The following MPPED2 variants were observed in gnomAD, a reference collection of about 807,000 sequenced individuals.
MPPED2 encodes the protein metallophosphoesterase domain containing 2.
MPPED2 carries 5 observed loss-of-function variants against 33.0 expected under a neutral mutation model. That is an observed-to-expected ratio of 0.15 (90% CI 0.08 to 0.32). The LOEUF is 0.32. MPPED2 is among the 10% of genes least tolerant of loss of function. The pLI is 1.00. For missense variants in MPPED2, 275 were observed against 372.1 expected (o/e 0.74, Z 2.15); for synonymous variants, 136 against 141.9 (o/e 0.96, Z 0.29).
intron 4 of MPPED2, among the ~76,000 whole-genome samples, chr11:30,424,905 G>A (rs1260884033): frequency 6.6e-6 from 1 of 152,148 alleles, no homozygotes; most frequent in Non-Finnish European, 1.5e-5. Flanking sequence ...CTTAACATCA[G>A]GGCAAGATTT....
At chr11:30,465,100 C>T (rs1333931321) in intron 4 of MPPED2, among the ~76,000 whole-genome samples, 1 of 152,100 alleles carries the variant, frequency 6.6e-6, no homozygotes, top group African/African-American at 2.4e-5. Context: ...ATGGTAAGTT[C>T]TCAAACGGAA....
At chr11:30,510,234 G>A (rs1953080460) in intron 3 of MPPED2, among the ~76,000 whole-genome samples, 1 of 151,884 alleles carries the variant, frequency 6.6e-6, no homozygotes, top group South Asian at 2.1e-4. Context: ...CATCTATTTA[G>A]CCATCTTAAA....
At chr11:30,581,819 C>A (rs2134931091) in intron 1 of MPPED2, among the ~76,000 whole-genome samples, 1 of 152,238 alleles carries the variant, frequency 6.6e-6, no homozygotes, top group South Asian at 2.1e-4. Context: ...AAATAACACC[C>A]ACCTTGCCTG....
intron 4 of MPPED2, among the ~76,000 whole-genome samples, chr11:30,428,042 T>C (rs1011414897): frequency 2.0e-5 from 3 of 152,080 alleles, no homozygotes; most frequent in African/African-American, 7.2e-5. Context: ...GGGAAATTAG[T>C]GGGTGTGGGG....
intron 1 of MPPED2, among the ~76,000 whole-genome samples, chr11:30,585,780 G>A (rs1474477574): frequency 6.6e-6 from 1 of 152,122 alleles, no homozygotes; most frequent in Non-Finnish European, 1.5e-5. Context: ...AAAAGAATTT[G>A]CTTTCGCTCA....
chr11:30,398,433 G>C (rs539257926), intron 6 of MPPED2, among the ~76,000 whole-genome samples: 2 of 152,034 alleles, frequency 1.3e-5, no homozygotes, highest in Admixed American at 1.3e-4. Context: ...ATGACCTGGG[G>C]GTACCATTCA....
chr11:30,490,226 T>C (rs1465645432), intron 4 of MPPED2, among the ~76,000 whole-genome samples: 1 of 152,064 alleles, frequency 6.6e-6, no homozygotes. Context: ...GAGAATCAAT[T>C]TTAGGTATGC....
chr11:30,525,313 G>A (rs541054883), intron 3 of MPPED2, among the ~76,000 whole-genome samples: 4 of 152,234 alleles, frequency 2.6e-5, no homozygotes, highest in Admixed American at 6.5e-5. Context: ...TAGGACACAA[G>A]AGTCCTGCTC....
rs1195049869 is a variant in MPPED2, at chr11:30,428,529, TA to T, written c.537-10897del. On this transcript the variant is annotated intron_variant, in intron 4 of 6. Coordinates refer to ENST00000358117, the MANE Select transcript of MPPED2 (RefSeq NM_001584.3). Reference sequence around the variant, plus strand: ...CTCCAGCCTTGGCTGTCTCTAAAAATAAAAAATAAATAGAAGTTGTAGCGAC... The same window carrying T: ...CTCCAGCCTTGGCTGTCTCTAAAAATAAAAATAAATAGAAGTTGTAGCGAC... Among the ~76,000 whole-genome samples the T allele has an allele frequency of 3.9e-5, 6 of 152,164 alleles. No individual in the cohort carries two copies. The East Asian group carries it at 9.7e-4, about 25-fold the overall frequency.
intron 4 of MPPED2, among the ~76,000 whole-genome samples, chr11:30,421,951 G>A (rs975794462): frequency 2.0e-5 from 3 of 152,140 alleles, no homozygotes; most frequent in Middle Eastern, 3.2e-3. Flanking sequence ...ACAGTGGCAG[G>A]CAATGGAAAA....
chr11:30,452,718 G>A (rs1437825706), intron 4 of MPPED2, among the ~76,000 whole-genome samples: 3 of 152,136 alleles, frequency 2.0e-5, no homozygotes, highest in Non-Finnish European at 4.4e-5. Flanking sequence ...TGAAAAAGCT[G>A]CCTTTGGTTG....
At chr11:30,564,811 T>C (rs1445268416) in intron 2 of MPPED2, among the ~76,000 whole-genome samples, 1 of 152,164 alleles carries the variant, frequency 6.6e-6, no homozygotes. Context: ...AGAGAGTCCT[T>C]GAAACAAATG....
At chr11:30,521,712 A>G (rs912178444) in intron 3 of MPPED2, among the ~76,000 whole-genome samples, 2 of 152,218 alleles carry the variant, frequency 1.3e-5, no homozygotes, top group African/African-American at 4.8e-5. Flanking sequence ...AAAATGTAAA[A>G]ACTAGAAATG....
chr11:30,485,449 T>TGTTACACATAACATGTGTAACATTTACAC (rs1491554158), intron 4 of MPPED2, among the ~76,000 whole-genome samples: 1 of 75,388 alleles, frequency 1.3e-5, no homozygotes, highest in Non-Finnish European at 3.6e-5. Context: ...CATTTACACA[T>TGTTACACATAACATGTGTAACATTTACAC]GTTACACATA....
intron 3 of MPPED2, among the ~76,000 whole-genome samples, chr11:30,530,950 A>G (rs564486784): frequency 2.0e-5 from 3 of 152,206 alleles, no homozygotes; most frequent in Non-Finnish European, 4.4e-5. Context: ...TGTTCAAGGC[A>G]ATAAAAATAA....
Position 30,414,216 on chromosome 11 carries a change from C to T in MPPED2, c.766+12G>A, listed in dbSNP as rs574217789. On this transcript the variant is annotated intron_variant, in intron 6 of 6. Transcript: ENST00000358117. ...GCACAAAATGTTTTGAATTCTTTTC[C>T]GCTGTTCTTACCTTCATGGATTCCA... 39 of 1,587,774 alleles carry T rather than the reference C, an allele frequency of 2.5e-5. No individual in the cohort carries two copies. Among genetic ancestry groups the T allele is most frequent in the African/African-American group, 9.4e-5 (7 of 74,432 alleles).
chr11:30,574,354 G>A (rs193154215), intron 2 of MPPED2, among the ~76,000 whole-genome samples: 2 of 152,278 alleles, frequency 1.3e-5, no homozygotes, highest in African/African-American at 4.8e-5. Flanking sequence ...ATATAGGTTT[G>A]TAGACTAGGA....
At chr11:30,404,234 A>G (rs186420428) in intron 6 of MPPED2, among the ~76,000 whole-genome samples, 1 of 152,360 alleles carries the variant, frequency 6.6e-6, no homozygotes, top group Non-Finnish European at 1.5e-5. Flanking sequence ...GTATTTCTCC[A>G]GAGAGCTATT....
chr11:30,410,025 A>T (rs1045164077), downstream of MPPED2: 38 of 829,256 alleles, frequency 4.6e-5, no homozygotes, highest in Non-Finnish European at 5.2e-5. Flanking sequence ...TGATGGAAGG[A>T]AAGAGTACAC....
Sources: allele counts gnomAD v4.1 joint callset (sites outside exome capture counted in the v4.1 genomes callset), GRCh38; gene constraint gnomAD v4.1.1; transcripts MANE v1.5; gene names NCBI Gene and HGNC (gene_info 2026-07-23, HGNC 2026-07-21).